The following ANKS1B variants were observed in gnomAD, a reference collection of about 807,000 sequenced individuals.
ANKS1B encodes the protein ankyrin repeat and sterile alpha motif domain-containing protein 1B.
ANKS1B carries 36 observed loss-of-function variants against 148.3 expected under a neutral mutation model. That is an observed-to-expected ratio of 0.24 (90% CI 0.19 to 0.32). The LOEUF is 0.32. Ranked by LOEUF, ANKS1B falls within the 10% of genes least tolerant of loss-of-function variation. ANKS1B has a pLI of 1.00. For synonymous variants in ANKS1B, 542 were observed against 560.8 expected (o/e 0.97, Z 0.47); for missense variants, 1,157 against 1,542.6 (o/e 0.75, Z 4.19).
chr12:99,808,093 T>C (rs991338547), intron 3 of ANKS1B, among the ~76,000 whole-genome samples: 9 of 152,128 alleles, frequency 5.9e-5, no homozygotes, highest in East Asian at 1.9e-4. Flanking sequence ...TGTTGCTATA[T>C]TGTCAAAGAA....
chr12:99,350,936 AG>A (rs1257718776), intron 12 of ANKS1B, among the ~76,000 whole-genome samples: 4 of 152,088 alleles, frequency 2.6e-5, no homozygotes, highest in African/African-American at 4.8e-5. Flanking sequence ...TAATAGTCTC[AG>A]TCACAGCTCT....
intron 9 of ANKS1B, among the ~76,000 whole-genome samples, chr12:99,579,030 C>G (rs946207610): frequency 2.6e-5 from 4 of 151,828 alleles, no homozygotes; most frequent in African/African-American, 9.7e-5. Context: ...ATTAAAAAAC[C>G]CAGAAATAAA....
intron 9 of ANKS1B, among the ~76,000 whole-genome samples, chr12:99,507,901 C>T (rs2096728084): frequency 6.6e-6 from 1 of 151,656 alleles, no homozygotes; most frequent in Non-Finnish European, 1.5e-5. Flanking sequence ...GAAACCTGTC[C>T]CCCAACCCAC....
At chr12:99,141,220 T>C (rs772422663) in intron 15 of ANKS1B, among the ~76,000 whole-genome samples, 3 of 152,148 alleles carry the variant, frequency 2.0e-5, no homozygotes, top group Non-Finnish European at 4.4e-5. Flanking sequence ...AAGTCACCCT[T>C]TAGCTATTAG....
At chr12:99,048,842 G>A (rs1053127860) in intron 17 of ANKS1B, 1 of 152,240 alleles carries the variant, frequency 6.6e-6, no homozygotes, top group Non-Finnish European at 1.5e-5. Flanking sequence ...CTTGAAATCT[G>A]GATGCAGGGG....
intron 17 of ANKS1B, among the ~76,000 whole-genome samples, chr12:98,930,931 G>A (rs556067574): frequency 1.3e-5 from 2 of 151,512 alleles, no homozygotes; most frequent in East Asian, 3.9e-4. Context: ...TGTAAATCTG[G>A]CCACTCATGG....
At chr12:99,316,132 C>T (rs538096863) in intron 12 of ANKS1B, among the ~76,000 whole-genome samples, 5 of 152,248 alleles carry the variant, frequency 3.3e-5, no homozygotes, top group South Asian at 2.1e-4. Flanking sequence ...AATAAACATA[C>T]GTGTGCATGT....
intron 17 of ANKS1B, among the ~76,000 whole-genome samples, chr12:98,854,961 C>A (rs888575751): frequency 1.3e-5 from 2 of 151,946 alleles, no homozygotes; most frequent in African/African-American, 4.8e-5. Context: ...AGATCGAGAC[C>A]ATCCTGGCTA....
chr12:99,509,660 A>G (rs1373691307), intron 9 of ANKS1B, among the ~76,000 whole-genome samples: 1 of 152,032 alleles, frequency 6.6e-6, no homozygotes, highest in African/African-American at 2.4e-5. Context: ...ATAACATAAA[A>G]GTGCAAGGTG....
intron 12 of ANKS1B, among the ~76,000 whole-genome samples, chr12:99,282,825 A>T (rs991032944): frequency 6.6e-6 from 1 of 152,200 alleles, no homozygotes; most frequent in African/African-American, 2.4e-5. Flanking sequence ...TAAAGGGTGA[A>T]ATGCCTACTA....
intron 8 of ANKS1B, among the ~76,000 whole-genome samples, chr12:99,667,894 C>A (rs1469898711): frequency 6.6e-6 from 1 of 152,042 alleles, no homozygotes; most frequent in Admixed American, 6.5e-5. Flanking sequence ...GGCATATATC[C>A]CACTTGGTTG....
rs543082013 is a variant in ANKS1B at position 99,970,405 on chromosome 12, T to C, written c.134+13699A>G. On this transcript the variant is annotated intron_variant, in intron 1 of 26. Transcript: ENST00000683438. ...AAACTTGTACGCTTTATCTGATAAC[T>C]ACATTAAACATGCTTAAGAAAAAAG... Among the ~76,000 whole-genome samples the C allele has an allele frequency of 1.4e-4, 22 of 152,280 alleles. No homozygotes were observed. The South Asian group carries it at 4.1e-3, about 29-fold the overall frequency.
chr12:99,054,164 A>G (rs17029025), intron 16 of ANKS1B, among the ~76,000 whole-genome samples: 7,056 of 152,226 alleles, frequency 0.046, 332 homozygotes, highest in African/African-American at 0.11. Flanking sequence ...GCTGCTTTGC[A>G]TGCCACGCCG....
intron 1 of ANKS1B, among the ~76,000 whole-genome samples, chr12:99,911,454 C>T (rs1487746993): frequency 1.3e-5 from 2 of 152,168 alleles, no homozygotes; most frequent in African/African-American, 4.8e-5. Context: ...ACTTAAAAAT[C>T]TGAGTCTTCA....
intron 14 of ANKS1B, chr12:99,155,102 T>C: frequency 6.6e-7 from 1 of 1,517,012 alleles, no homozygotes. Flanking sequence ...GAGCTATTTG[T>C]TGTGGAATTT....
intron 8 of ANKS1B, among the ~76,000 whole-genome samples, chr12:99,681,676 A>T (rs2098618605): frequency 6.6e-6 from 1 of 152,206 alleles, no homozygotes. Context: ...GTGGGACAAA[A>T]GAATCTGAAT....
At chr12:99,984,082 C>T (rs375889690) in intron 1 of ANKS1B, 22 bp downstream of exon 1, 6 of 1,602,308 alleles carry the variant, frequency 3.7e-6, no homozygotes, top group South Asian at 1.1e-5. Context: ...GTGCCAACCC[C>T]GGAGCTGGTG....
chr12:99,647,029 C>T (rs1168363800), intron 9 of ANKS1B, among the ~76,000 whole-genome samples: 11 of 151,524 alleles, frequency 7.3e-5, no homozygotes, highest in Admixed American at 7.2e-4. Context: ...GTTATTTCCC[C>T]TGGTAACAGA....
At chr12:99,261,005 T>C (rs1183818848) in intron 12 of ANKS1B, among the ~76,000 whole-genome samples, 2 of 152,114 alleles carry the variant, frequency 1.3e-5, no homozygotes, top group Non-Finnish European at 2.9e-5. Flanking sequence ...AAAAACTAAA[T>C]GCAATCAAAT....
Sources: allele counts gnomAD v4.1 joint callset (sites outside exome capture counted in the v4.1 genomes callset), GRCh38; gene constraint gnomAD v4.1.1; transcripts MANE v1.5; gene names NCBI Gene and HGNC (gene_info 2026-07-23, HGNC 2026-07-21).